Variants in C12orf42 observed in about 807,000 individuals in gnomAD.
C12orf42 encodes chromosome 12 open reading frame 42.
A neutral mutation model predicts 21.6 loss-of-function variants in C12orf42; 25 were observed. The observed-to-expected ratio is 1.16, with a 90% CI of 0.84 to 1.62. The LOEUF (loss-of-function observed/expected upper bound fraction) is 1.62, where lower values mean the gene tolerates loss of function less well. Among genes scored for constraint, C12orf42 ranks in the 40% most tolerant of loss-of-function variants. The probability of loss-of-function intolerance (pLI) is 0.00; values close to 1 mark genes in which losing one functional copy is unlikely to be tolerated. For synonymous variants in C12orf42, 174 were observed against 175.0 expected, an observed-to-expected ratio of 0.99 and a Z score of 0.05; for missense variants, 483 against 459.3, an observed-to-expected ratio of 1.05 and a Z score of -0.47.
intron 4 of C12orf42, among the ~76,000 whole-genome samples, chr12:103,290,120 A>AT (rs1286304501): frequency 1.3e-5 from 2 of 152,214 alleles, no homozygotes; most frequent in African/African-American, 4.8e-5. Flanking sequence ...AACAATATGC[A>AT]TATCAGCATC....
the C12orf42 span, among the ~76,000 whole-genome samples, chr12:103,507,317 C>G: frequency 1.8e-5 from 2 of 109,680 alleles, no homozygotes. Flanking sequence ...TCTCTACTTT[C>G]TAAATTTTCT....
At chr12:103,194,022 C>T in the C12orf42 span, among the ~76,000 whole-genome samples, 1 of 152,046 alleles carries the variant, frequency 6.6e-6, no homozygotes, top group Non-Finnish European at 1.5e-5. Context: ...TGGCTTAACA[C>T]ATGCAAGTTA....
chr12:103,116,381 A>AAAAAAAAATATATAT, the C12orf42 span, among the ~76,000 whole-genome samples: 49 of 136,684 alleles, frequency 3.6e-4, no homozygotes, highest in African/African-American at 1.2e-3. Context: ...AAAAAAAAAA[A>AAAAAAAAATATATAT]ATATATATAT....
rs564623054 is a variant in C12orf42 at position 103,237,936 on chromosome 12, T to C, written c.*1367-34A>G. On this transcript the variant is annotated intron_variant and NMD_transcript_variant, in intron 10 of 10. Transcript: ENST00000547347. The stretch of plus-strand genomic sequence containing the variant: ...AAGTAAAAGAGAAAGAGATTCTACC[T>C]CTTGAAGAAGAAATATGCAACATCA... 146 of 152,276 alleles carry C rather than the reference T, an allele frequency of 9.6e-4. 1 individual carries two copies. Among genetic ancestry groups the C allele is most frequent in the African/African-American group, 3.3e-3 (138 of 41,536 alleles). The allele number at this position is 152,276 out of a possible 1,614,324, so 9.4% of individuals were successfully genotyped here.
At chr12:103,287,522 A>C (rs1324320276) in intron 4 of C12orf42, among the ~76,000 whole-genome samples, 9 of 152,048 alleles carry the variant, frequency 5.9e-5, no homozygotes, top group Non-Finnish European at 1.0e-4. Context: ...ACATGGACAC[A>C]GGAAGGGGAA....
intron 4 of C12orf42, chr12:103,368,170 G>C: frequency 1.6e-6 from 1 of 617,652 alleles, no homozygotes; most frequent in Non-Finnish European, 2.7e-6. Context: ...AATGTTATGG[G>C]GAATATAACT....
intron 2 of C12orf42, among the ~76,000 whole-genome samples, chr12:103,423,491 C>T (rs2050104063): frequency 6.6e-6 from 1 of 152,126 alleles, no homozygotes; most frequent in South Asian, 2.1e-4. Context: ...GTTTTCTCTC[C>T]CCACCCCATC....
At chr12:103,330,815 A>G (rs2041179594) in intron 4 of C12orf42, among the ~76,000 whole-genome samples, 1 of 152,234 alleles carries the variant, frequency 6.6e-6, no homozygotes. Context: ...TTCCTTAGGG[A>G]AAGAGAATAT....
the C12orf42 span, among the ~76,000 whole-genome samples, chr12:103,145,756 T>G: frequency 6.6e-6 from 1 of 152,180 alleles, no homozygotes; most frequent in African/African-American, 2.4e-5. Flanking sequence ...ATGAATAAAC[T>G]ATGGTACATC....
chr12:103,058,858 A>T, the C12orf42 span, among the ~76,000 whole-genome samples: 1 of 152,234 alleles, frequency 6.6e-6, no homozygotes, highest in Non-Finnish European at 1.5e-5. Flanking sequence ...TATAGCACTA[A>T]GTTCCCATAT....
the C12orf42 span, among the ~76,000 whole-genome samples, chr12:103,055,675 A>G: frequency 1.3e-5 from 2 of 151,986 alleles, no homozygotes; most frequent in Non-Finnish European, 2.9e-5. Flanking sequence ...TTTCTAATGT[A>G]TGAATTCAGT....
intron 10 of C12orf42, among the ~76,000 whole-genome samples, chr12:103,252,704 A>C (rs1288799998): frequency 6.6e-6 from 1 of 152,196 alleles, no homozygotes; most frequent in Non-Finnish European, 1.5e-5. Context: ...GCCCTTTGTC[A>C]AATGAATAGA....
chr12:103,515,713 G>T, the C12orf42 span, among the ~76,000 whole-genome samples: 1 of 152,184 alleles, frequency 6.6e-6, no homozygotes, highest in Non-Finnish European at 1.5e-5. Flanking sequence ...TGTATGCTGA[G>T]TTGTATGTGC....
At chr12:103,288,671 A>G (rs1214446559) in intron 4 of C12orf42, among the ~76,000 whole-genome samples, 1 of 152,154 alleles carries the variant, frequency 6.6e-6, no homozygotes, top group African/African-American at 2.4e-5. Flanking sequence ...GACGTGTAAA[A>G]GATTTTGCCC....
chr12:103,424,835 GA>G (rs1209237470), intron 2 of C12orf42, among the ~76,000 whole-genome samples: 2 of 152,180 alleles, frequency 1.3e-5, no homozygotes, highest in African/African-American at 4.8e-5. Flanking sequence ...CAGCGAGACA[GA>G]ACCATTCATT....
At chr12:103,289,327 A>C (rs1593295270) in intron 4 of C12orf42, among the ~76,000 whole-genome samples, 2 of 152,228 alleles carry the variant, frequency 1.3e-5, no homozygotes, top group East Asian at 1.9e-4. Context: ...TTTTCTAACT[A>C]ATATTATCAT....
chr12:103,221,391 T>C, the C12orf42 span, among the ~76,000 whole-genome samples: 1 of 152,242 alleles, frequency 6.6e-6, no homozygotes, highest in Non-Finnish European at 1.5e-5. Context: ...TTATTGAATA[T>C]CTACTGGGTG....
the C12orf42 span, among the ~76,000 whole-genome samples, chr12:103,541,559 C>T: frequency 2.0e-5 from 3 of 152,226 alleles, no homozygotes; most frequent in African/African-American, 4.8e-5. Flanking sequence ...CAATTATATA[C>T]AGTACATAAT....
At chr12:103,199,179 T>C in the C12orf42 span, among the ~76,000 whole-genome samples, 1 of 152,148 alleles carries the variant, frequency 6.6e-6, no homozygotes, top group Non-Finnish European at 1.5e-5. Context: ...TCAACTGATG[T>C]TTCACAACAG....
Sources: allele counts gnomAD v4.1 joint callset (sites outside exome capture counted in the v4.1 genomes callset), GRCh38; gene constraint gnomAD v4.1.1; transcripts MANE v1.5; gene names NCBI Gene and HGNC (gene_info 2026-07-23, HGNC 2026-07-21).